The following TTN variants were observed in gnomAD, a reference collection of about 807,000 sequenced individuals.
TTN encodes connectin.
Under a neutral mutation model 3,223.0 loss-of-function variants are expected in TTN, and 1,525 were observed. The ratio of observed to expected loss-of-function variants is 0.47; its 90% CI spans 0.45 to 0.49. The LOEUF is 0.49. TTN is among the 20% of genes least tolerant of loss of function. TTN has a pLI of 0.00. For synonymous variants in TTN, 14,094 were observed against 15,161.0 expected, an observed-to-expected ratio of 0.93 and a Z score of 5.17; for missense variants, 40,786 against 43,424.0, an observed-to-expected ratio of 0.94 and a Z score of 5.40.
chr2:178,593,177 T>C lies in TTN; in HGVS notation c.59031A>G (p.Pro19677=), dbSNP rs886042123. ...ATAAATCCATTAATACTATACCAAT[T>C]GGATCTTTAGCAAAGACTGGTTTGG... ...PPSKPVFAKD[P]IAKPSPPVNP... Residue 19677 remains proline (P), a synonymous_variant, in exon 299 of 363, where the codon CCA becomes CCG. Transcript: ENST00000589042. 3.1e-6 allele frequency: 5 copies of C among 1,613,156 alleles called. No individual in the cohort carries two copies. Among genetic ancestry groups the C allele is most frequent in the Non-Finnish European group, 3.4e-6 (4 of 1,179,540 alleles).
At chr2:178,736,158 T>C (rs554566426) in intron 49 of TTN, 84 bp from the exon 50 acceptor site, 259 of 1,267,248 alleles carry the variant, frequency 2.0e-4, no homozygotes, top group Admixed American at 2.5e-4. Context: ...AGAGAAAAGA[T>C]GAGTTAAGTC....
chr2:178,758,898 T>G, intron 44 of TTN, 86 bp downstream of exon 44: 1 of 1,339,872 alleles, frequency 7.5e-7, no homozygotes, highest in Non-Finnish European at 1.1e-6. Flanking sequence ...CAACAATGAT[T>G]TACATGAACT....
rs756016274 is a variant in TTN at position 178,663,814 on chromosome 2, A to C, written c.36448+5T>G. The stretch of plus-strand genomic sequence containing the variant: ...GATCTGAAGCCTAAGGTCAGTGGCA[A>C]CTACCTTTAACAGGTGGGACTTCAG... On this transcript the variant is annotated splice_donor_5th_base_variant and intron_variant, in intron 170 of 362. Coordinates refer to ENST00000589042, the MANE Select transcript of TTN (RefSeq NM_001267550.2). 3 of 1,613,490 alleles carry C rather than the reference A, an allele frequency of 1.9e-6. No individual in the cohort carries two copies. Among genetic ancestry groups the C allele is most frequent in the Non-Finnish European group, 2.5e-6 (3 of 1,179,786 alleles).
rs2154169604 is a variant in TTN, at chr2:178,571,804, C to T, written c.74328G>A (p.Lys24776=). 1 of 1,613,438 alleles carries T rather than the reference C, an allele frequency of 6.2e-7. No individual in the cohort carries two copies. The highest frequency in any genetic ancestry group is 8.5e-7 in the Non-Finnish European group (1 of 1,179,600). Residue 24776 remains lysine, a synonymous_variant, in exon 326 of 363, where the codon AAG becomes AAA. Transcript: ENST00000589042. ...STENNSLLTI[K]DACREDVGHY... is the part of the protein sequence containing the mutation. ...GGCCAACATCTTCTCGGCAGGCGTC[C>T]TTTATTGTCAGTAGTGAATTATTTT...
chr2:178,589,528 A>G lies in TTN; in HGVS notation c.62197T>C (p.Cys20733Arg). ...IKETHYMVDR[C>R]VENQIYEFRV... ...AACTCATAAATCTGGTTTTCAACACATCTGTCAACCATGTAGTGAGTTTCT... is the reference window on the plus strand; with the variant it reads ...AACTCATAAATCTGGTTTTCAACACGTCTGTCAACCATGTAGTGAGTTTCT... Residue 20733 changes from cysteine (C) to arginine (R), a missense_variant, in exon 304 of 363, where the codon TGT (cysteine) becomes CGT (arginine). Physicochemically the swap from Cys to Arg is radical, Grantham distance 180. Transcript: ENST00000589042. The G allele has an allele frequency of 1.9e-6, 3 of 1,613,340 alleles. No homozygotes were observed. Among genetic ancestry groups the G allele is most frequent in the Non-Finnish European group, 2.5e-6 (3 of 1,179,624 alleles).
Position 178,567,898 on chromosome 2 carries a change from C to A in TTN, c.78234G>T (p.Lys26078Asn), listed in dbSNP as rs1706533541. 6.2e-7 allele frequency: 1 copy of A among 1,613,430 alleles called. No individual in the cohort carries two copies. Among genetic ancestry groups the A allele is most frequent in the African/African-American group, 1.3e-5 (1 of 74,884 alleles). Reference sequence around the variant, plus strand: ...CTCTGGCTACATAGCATTCAGAATTCTTGCTTGCTTTGCCTACACCAACAA... The same window carrying A: ...CTCTGGCTACATAGCATTCAGAATTATTGCTTGCTTTGCCTACACCAACAA... The part of the protein sequence containing the change: ...ENIVGVGKAS[K>N]NSECYVARDP... Residue 26078 changes from lysine (K) to asparagine (N), a missense_variant, in exon 326 of 363, where the codon AAG (lysine) becomes AAT (asparagine). Transcript: ENST00000589042.
In TTN at chr2:178,649,289, G is replaced by A. The variant is rs2062534073; in HGVS notation, c.40016C>T (p.Pro13339Leu). 2 of 1,483,258 alleles carry A rather than the reference G, an allele frequency of 1.3e-6. No individual in the cohort carries two copies. The highest frequency in any genetic ancestry group is 2.8e-5 in the South Asian group (2 of 72,402). The allele number at this position is 1,483,258 out of a possible 1,614,324, so 91.9% of individuals were successfully genotyped here. Residue 13339 changes from proline (P) to leucine (L), a missense_variant, in exon 213 of 363, where the codon CCT (proline) becomes CTT (leucine). Pro to Leu is a moderately conservative substitution (Grantham distance 98). Coordinates refer to ENST00000589042, the MANE Select transcript of TTN (RefSeq NM_001267550.2). ...TTCTGGTTTTTTGGTAACAGGCACAGGTTCTTTCTTTACTGGAACAAGTTT... is the reference window on the plus strand; with the variant it reads ...TTCTGGTTTTTTGGTAACAGGCACAAGTTCTTTCTTTACTGGAACAAGTTT... Reference protein sequence around the residue: ...PKKLVPVKKEPVPVTKKPEVL... With the variant: ...PKKLVPVKKELVPVTKKPEVL...
chr2:178,747,156 C>T (rs2083872737), intron 47 of TTN: 1 of 1,609,864 alleles, frequency 6.2e-7, no homozygotes, highest in South Asian at 1.1e-5. Flanking sequence ...GAATATCTCT[C>T]TAGAGTCTCT....
rs1280151357 is a variant in TTN, at chr2:178,536,178, T to C, written c.100569A>G (p.Pro33523=). 1 of 1,613,670 alleles carries C rather than the reference T, an allele frequency of 6.2e-7. No individual in the cohort carries two copies. The highest frequency in any genetic ancestry group is 8.5e-7 in the Non-Finnish European group (1 of 1,179,698). The change falls in exon 357 of 363, where the codon CCA becomes CCG. Residue 33523 remains proline, a synonymous_variant. Transcript: ENST00000589042. ...ATLVCKVTGH[P]KPIVKWYRQG... is the part of the protein sequence containing the mutation. ...GTCTGTACCATTTGACGATAGGTTT[T>C]GGATGACCAGTCACTTTGCAGACCA...
Position 178,542,480 on chromosome 2 carries a change from A to G in TTN, c.97276T>C (p.Leu32426=). 6.2e-7 allele frequency: 1 copy of G among 1,613,202 alleles called. No homozygotes were observed. The highest frequency in any genetic ancestry group is 8.5e-7 in the Non-Finnish European group (1 of 1,179,314). The part of the protein sequence containing the change: ...SITISWEPPE[L]DGGAPLSGYV... ...CCACTCAGTGGAGCACCACCGTCCA[A>G]TTCAGGTGGTTCCCAGGAAATGGTA... The change falls in exon 349 of 363, where the codon TTG becomes CTG. Residue 32426 remains leucine, a synonymous_variant. Transcript: ENST00000589042.
At chr2:178,718,648 C>T (rs1474358358) in intron 84 of TTN, 47 bp downstream of exon 84, 2 of 1,603,072 alleles carry the variant, frequency 1.2e-6, no homozygotes, top group Admixed American at 3.4e-5. Flanking sequence ...CTAATGAAGA[C>T]TTAAGAGAAA....
rs2091305429 is a variant in TTN, at chr2:178,770,500, C to CA, written c.8291dup (p.Arg2765GlufsTer3). On this transcript the variant is annotated frameshift_variant, in exon 35 of 363. Coordinates refer to ENST00000589042, the MANE Select transcript of TTN (RefSeq NM_001267550.2). LOFTEE classifies it high-confidence loss of function. ...CCACGATGGCACAGTTTTTAATCCT[C>CA]AGAGAGTAAATTGTTCCTTTGACAG... is the stretch of plus-strand genomic sequence containing the variant. The CA allele has an allele frequency of 6.2e-7, 1 of 1,614,028 alleles. No individual in the cohort carries two copies. The highest frequency in any genetic ancestry group is 1.7e-5 in the Admixed American group (1 of 59,992).
chr2:178,663,934 T>G, intron 169 of TTN, 32 bp from the exon 170 acceptor site: 1 of 1,612,090 alleles, frequency 6.2e-7, no homozygotes, highest in Non-Finnish European at 8.5e-7. Context: ...TACATTTAGG[T>G]GTTATGAAGA....
rs376947367 is a variant in TTN, at chr2:178,565,268, G to A, written c.80864C>T (p.Thr26955Ile). The A allele has an allele frequency of 6.2e-7, 1 of 1,613,558 alleles. No homozygotes were observed. Among genetic ancestry groups the A allele is most frequent in the Non-Finnish European group, 8.5e-7 (1 of 1,179,692 alleles). The change falls in exon 326 of 363, where the codon ACA (threonine) becomes ATA (isoleucine). Residue 26955 changes from threonine (T) to isoleucine (I), a missense_variant. Thr to Ile is a moderately conservative substitution (Grantham distance 89). Coordinates refer to ENST00000589042, the MANE Select transcript of TTN (RefSeq NM_001267550.2). ...DDFGKYTVTA[T>I]NSAGTATENL... ...TTCTGTTGCTGTGCCTGCACTATTT[G>A]TTGCCGTTACGGTGTATTTTCCAAA...
rs1332146833 is a variant in TTN at position 178,729,877 on chromosome 2, C to G, written c.18376G>C (p.Glu6126Gln). 2 of 1,613,534 alleles carry G rather than the reference C, an allele frequency of 1.2e-6. No individual in the cohort carries two copies. The highest frequency in any genetic ancestry group is 1.7e-6 in the Non-Finnish European group (2 of 1,179,714). ...VLRNGQSTTF[E>Q]CQITGTPKIR... Reference sequence around the variant, plus strand: ...TTAGGAGTGCCTGTTATTTGGCATTCAAATGTTGTTGACTGTCCATTCCTC... The same window carrying G: ...TTAGGAGTGCCTGTTATTTGGCATTGAAATGTTGTTGACTGTCCATTCCTC... Residue 6126 changes from glutamate (E) to glutamine (Q), a missense_variant, in exon 63 of 363, where the codon GAA becomes CAA. Coordinates refer to ENST00000589042, the MANE Select transcript of TTN (RefSeq NM_001267550.2).
chr2:178,630,141 A>C (rs1299277561), intron 239 of TTN, 100 bp downstream of exon 239: 12 of 1,513,274 alleles, frequency 7.9e-6, no homozygotes, highest in African/African-American at 5.6e-5. Context: ...GTGTTTTAAT[A>C]ATATTTTCTA....
chr2:178,584,221 A>G, intron 311 of TTN, 55 bp downstream of exon 311: 7 of 1,508,176 alleles, frequency 4.6e-6, no homozygotes, highest in Non-Finnish European at 6.2e-6. Context: ...CGAGATTTAA[A>G]TGTGCCTCCA....
Position 178,740,310 on chromosome 2 carries a change from G to A in TTN, c.12923C>T (p.Ala4308Val), listed in dbSNP as rs796560630. The change falls in exon 48 of 363, where the codon GCA (alanine) becomes GTA (valine). Residue 4308 changes from alanine (A) to valine (V), a missense_variant. By Grantham distance (64) the Ala-to-Val change is moderately conservative. Coordinates refer to ENST00000589042, the MANE Select transcript of TTN (RefSeq NM_001267550.2). ...TTGCCCTGCATTTTCCAGTGGATTT[G>A]CACTTTCTATCAAAATTTTACCTCC... ...TEGGKILIES[A>V]NPLENAGQDS... 1.2e-6 allele frequency: 2 copies of A among 1,613,522 alleles called. No individual in the cohort carries two copies. The highest frequency in any genetic ancestry group is 2.2e-5 in the South Asian group (2 of 91,080).
At chr2:178,617,660 C>G (rs932279889) in intron 253 of TTN, 119 bp downstream of exon 253, 1 of 1,444,344 alleles carries the variant, frequency 6.9e-7, no homozygotes. Context: ...AAAACTTTAT[C>G]CAAATTTTTA....
Sources: allele counts gnomAD v4.1 joint callset, GRCh38; gene constraint gnomAD v4.1.1; transcripts MANE v1.5; gene names NCBI Gene and HGNC (gene_info 2026-07-23, HGNC 2026-07-21).